The following OSBPL3 variants were observed in gnomAD, a reference collection of about 807,000 sequenced individuals.
OSBPL3 encodes the protein oxysterol-binding protein-related protein 3.
Under a neutral mutation model 120.1 loss-of-function variants are expected in OSBPL3, and 65 were observed. The observed-to-expected ratio is 0.54, with a 90% CI of 0.44 to 0.67. The LOEUF (loss-of-function observed/expected upper bound fraction) is 0.67. Among genes scored for constraint, OSBPL3 ranks in the 30% least tolerant of loss-of-function variants. OSBPL3 has a pLI of 0.00. For missense variants in OSBPL3, 1,004 were observed against 1,082.1 expected, an observed-to-expected ratio of 0.93 and a Z score of 1.01; for synonymous variants, 416 against 402.6, an observed-to-expected ratio of 1.03 and a Z score of -0.40.
At chr7:24,929,125 C>G (rs1169235075) in intron 1 of OSBPL3, among the ~76,000 whole-genome samples, 1 of 152,220 alleles carries the variant, frequency 6.6e-6, no homozygotes, top group East Asian at 1.9e-4. Context: ...GCTCTAGTTG[C>G]TCCACATCCT....
At chr7:24,837,815 G>A (rs918285367) in intron 14 of OSBPL3, among the ~76,000 whole-genome samples, 2 of 152,318 alleles carry the variant, frequency 1.3e-5, no homozygotes, top group Middle Eastern at 3.4e-3. Context: ...GAGTGGCAGA[G>A]CTGGGGCTAA....
chr7:24,801,841 T>C (rs2128092832), intron 22 of OSBPL3, among the ~76,000 whole-genome samples: 1 of 152,360 alleles, frequency 6.6e-6, no homozygotes, highest in African/African-American at 2.4e-5. Context: ...AAGGGATTCC[T>C]CATTTTCTTT....
At position 24,800,028 on chromosome 7, in the gene OSBPL3, C is replaced by T; in HGVS notation, c.*155G>A. The T allele has an allele frequency of 4.5e-6, 2 of 440,876 alleles. No homozygotes were observed. Among genetic ancestry groups the T allele is most frequent in the Non-Finnish European group, 4.1e-6 (1 of 244,714 alleles). 27.3% of individuals were successfully genotyped at this position (440,876 alleles called of 1,614,324 possible). A position where few individuals can be genotyped will look rare whatever the true frequency, so the allele number is the denominator to read the frequency against. On this transcript the variant is annotated 3_prime_UTR_variant, in exon 23 of 23. Coordinates refer to ENST00000313367, the MANE Select transcript of OSBPL3 (RefSeq NM_015550.4). Reference sequence around the variant, plus strand: ...TAACATTTGAAATTGTAAAGAAACGCACTGAGGAAAATATAGACTTAAAGA... The same window carrying T: ...TAACATTTGAAATTGTAAAGAAACGTACTGAGGAAAATATAGACTTAAAGA...
chr7:24,850,620 A>G (rs551921322), intron 11 of OSBPL3, among the ~76,000 whole-genome samples: 217 of 152,314 alleles, frequency 1.4e-3, no homozygotes, highest in Non-Finnish European at 1.4e-3. Context: ...ACCACTTAAG[A>G]AAAACTGCAC....
chr7:24,845,408 AAAAAAAG>A (rs1439518926), intron 12 of OSBPL3, among the ~76,000 whole-genome samples: 2 of 147,952 alleles, frequency 1.4e-5, no homozygotes, highest in Non-Finnish European at 3.0e-5. Context: ...AAAAAAAAAA[AAAAAAAG>A]AAAACCCATA....
intron 1 of OSBPL3, among the ~76,000 whole-genome samples, chr7:24,925,078 A>G (rs1378463699): frequency 1.1e-4 from 17 of 152,208 alleles, no homozygotes; most frequent in Admixed American, 1.1e-3. Context: ...ACGTTACTAA[A>G]GATTTCTAAA....
chr7:24,909,768 GTTTTTTTTTTCTTTC>G (rs1808511233), intron 1 of OSBPL3, among the ~76,000 whole-genome samples: 4 of 110,610 alleles, frequency 3.6e-5, no homozygotes, highest in African/African-American at 1.4e-4. Flanking sequence ...GAAAGCTACT[GTTTTTTTTTTCTTTC>G]TTTTTTTTTT....
At chr7:24,949,456 T>A (rs528022917) in intron 1 of OSBPL3, among the ~76,000 whole-genome samples, 150 of 152,338 alleles carry the variant, frequency 9.8e-4, no homozygotes, top group African/African-American at 3.4e-3. Flanking sequence ...ATTGACAGTC[T>A]TTGATTCAAT....
Position 24,833,347 on chromosome 7 carries a change from G to T in OSBPL3, c.1746+1139C>A, listed in dbSNP as rs2128177135. Among the ~76,000 whole-genome samples, 1 of 152,302 alleles carries T rather than the reference G, an allele frequency of 6.6e-6. No homozygotes were observed. Among genetic ancestry groups the T allele is most frequent in the South Asian group, 2.1e-4 (1 of 4,822 alleles). On this transcript the variant is annotated intron_variant, in intron 15 of 22. Transcript: ENST00000313367. The surrounding 1 kb of genome is among the most constrained non-coding windows in gnomAD (Gnocchi z 4.4). ...TGCACCGCTGCACTCCAGCCTGGGT[G>T]ACAAAGACCCTGACTCAAAAAAAGA... is the stretch of plus-strand genomic sequence containing the variant.
chr7:24,828,593 T>G (rs554039509), intron 16 of OSBPL3, among the ~76,000 whole-genome samples: 1 of 112,926 alleles, frequency 8.9e-6, no homozygotes, highest in East Asian at 2.4e-4. Context: ...GGCGACAAAG[T>G]GAGACTCTGT....
In OSBPL3 at chr7:24,828,606, G is replaced by GAAA. The variant is rs1190652256; in HGVS notation, c.1884+2159_1884+2161dup. On this transcript the variant is annotated intron_variant, in intron 16 of 22. Coordinates refer to ENST00000313367, the MANE Select transcript of OSBPL3 (RefSeq NM_015550.4). The stretch of plus-strand genomic sequence containing the variant: ...TGGGCGACAAAGTGAGACTCTGTCT[G>GAAA]AAAAAAAAAAAAAAAGAAAAAAAAA... Among the ~76,000 whole-genome samples, 8 of 32,530 alleles carry GAAA rather than the reference G, an allele frequency of 2.5e-4. 1 individual carries two copies. Among genetic ancestry groups the GAAA allele is most frequent in the Admixed American group, 4.5e-4 (1 of 2,202 alleles). The allele number at this position is 32,530 out of a possible 152,430, so 21.3% of individuals were successfully genotyped here.
At position 24,826,513 on chromosome 7, in the gene OSBPL3, A is replaced by C. The variant is rs1795728364; in HGVS notation, c.1884+4255T>G. ...CCAGTAGCTCTGAGCATAGTCACTG[A>C]GTCCACACAAGAGACCCCACAGAGA... On this transcript the variant is annotated intron_variant, in intron 16 of 22. Transcript: ENST00000313367. Among the ~76,000 whole-genome samples the C allele has an allele frequency of 2.0e-5, 3 of 152,112 alleles. No homozygotes were observed. In the South Asian group the frequency reaches 6.2e-4, roughly 32 times the overall value.
Position 24,937,598 on chromosome 7 carries a change from C to T in OSBPL3, c.-150+42288G>A, listed in dbSNP as rs1812578479. Among the ~76,000 whole-genome samples the T allele has an allele frequency of 6.6e-6, 1 of 152,208 alleles. No homozygotes were observed. On this transcript the variant is annotated intron_variant, in intron 1 of 22. Transcript: ENST00000313367. This position sits in a 1 kb window ranked among gnomAD's most constrained non-coding sequence, Gnocchi z 4.0. ...CTCTAACAAACAATACAGCAGTGAA[C>T]AGAGCATACATGAGACGTCCCAATA...
chr7:24,961,863 C>T (rs1174563387), intron 1 of OSBPL3, among the ~76,000 whole-genome samples: 2 of 152,164 alleles, frequency 1.3e-5, no homozygotes, highest in Non-Finnish European at 1.5e-5. Context: ...ACTAAATAAA[C>T]AAATGCATGG....
Position 24,968,762 on chromosome 7 carries a change from T to A in OSBPL3, c.-150+11124A>T, listed in dbSNP as rs161. 0.81 allele frequency among the ~76,000 whole-genome samples: 123,743 copies of A among 152,214 alleles called. 50,983 individuals are homozygous for A. The highest frequency in any genetic ancestry group is 0.93 in the African/African-American group (38,845 of 41,546). Reference sequence around the variant, plus strand: ...TATATGTCCATGTGTATATGCATACTTTCATATAAAATATATATTATATAT... The same window carrying A: ...TATATGTCCATGTGTATATGCATACATTCATATAAAATATATATTATATAT... On this transcript the variant is annotated intron_variant, in intron 1 of 22. Coordinates refer to ENST00000313367, the MANE Select transcript of OSBPL3 (RefSeq NM_015550.4). The surrounding 1 kb of genome is among the most constrained non-coding windows in gnomAD (Gnocchi z 4.6).
chr7:24,957,119 C>A (rs1208258356), intron 1 of OSBPL3, among the ~76,000 whole-genome samples: 2 of 152,000 alleles, frequency 1.3e-5, no homozygotes, highest in African/African-American at 4.8e-5. Flanking sequence ...CTTGAATAGG[C>A]CCATTGCTTC....
chr7:24,857,563 T>C (rs1479539078), intron 10 of OSBPL3, among the ~76,000 whole-genome samples: 1 of 152,240 alleles, frequency 6.6e-6, no homozygotes, highest in Non-Finnish European at 1.5e-5. Flanking sequence ...TAACAGGCTA[T>C]CAAGGGCCAG....
intron 1 of OSBPL3, among the ~76,000 whole-genome samples, chr7:24,914,120 C>T (rs1809223205): frequency 6.6e-6 from 1 of 151,996 alleles, no homozygotes; most frequent in Non-Finnish European, 1.5e-5. Context: ...TGGAAAGCAG[C>T]TTGTCATCTG....
At position 24,806,992 on chromosome 7, in the gene OSBPL3, C is replaced by T; in HGVS notation, c.2318-90G>A. 2 of 1,134,510 alleles carry T rather than the reference C, an allele frequency of 1.8e-6. No homozygotes were observed. The highest frequency in any genetic ancestry group is 2.5e-6 in the Non-Finnish European group (2 of 804,168). 70.3% of individuals were successfully genotyped at this position (1,134,510 alleles called of 1,614,324 possible). A position where few individuals can be genotyped will look rare whatever the true frequency, so the allele number is the denominator to read the frequency against. ...CACCTTTTTCGTCTCAGCCTAGCTACAATTTTTCTCTCTCAGCTCCCTTCC... is the reference window on the plus strand; with the variant it reads ...CACCTTTTTCGTCTCAGCCTAGCTATAATTTTTCTCTCTCAGCTCCCTTCC... On this transcript the variant is annotated intron_variant, in intron 20 of 22. Coordinates refer to ENST00000313367, the MANE Select transcript of OSBPL3 (RefSeq NM_015550.4). The surrounding 1 kb of genome is among the most constrained non-coding windows in gnomAD (Gnocchi z 5.2).
Sources: gnomAD v4.1 joint callset for allele counts (sites outside exome capture counted in the v4.1 genomes callset) on GRCh38, gnomAD v4.1.1 for gene constraint, Gnocchi (gnomAD v3.1) non-coding constraint, MANE v1.5 for transcripts, NCBI Gene and HGNC (gene_info 2026-07-23, HGNC 2026-07-21) for gene names.